Variants in ASTN1 observed in about 807,000 individuals in gnomAD.
ASTN1 encodes astrotactin 1, also known as astrotactin-1.
In ASTN1, 41 loss-of-function variants were observed where a neutral mutation model predicts 140.7. The ratio of observed to expected loss-of-function variants is 0.29; its 90% CI spans 0.23 to 0.38. The LOEUF (loss-of-function observed/expected upper bound fraction) is 0.38, where lower values mean the gene tolerates loss of function less well. ASTN1 is among the 10% of genes least tolerant of loss of function. The pLI, the probability that ASTN1 is intolerant of heterozygous loss-of-function variation, is 1.00. For synonymous variants in ASTN1, 640 were observed against 652.2 expected (o/e 0.98, Z 0.29); for missense variants, 1,479 against 1,678.8 (o/e 0.88, Z 2.08).
chr1:177,005,699 GTGTGTA>G (rs1020877388), intron 8 of ASTN1, among the ~76,000 whole-genome samples: 5 of 152,064 alleles, frequency 3.3e-5, no homozygotes, highest in Non-Finnish European at 5.9e-5. Flanking sequence ...GTGTTCCATG[GTGTGTA>G]TGTGTATGTG....
intron 1 of ASTN1, among the ~76,000 whole-genome samples, chr1:177,069,606 C>T (rs1281225401): frequency 1.3e-5 from 2 of 152,240 alleles, no homozygotes; most frequent in Admixed American, 6.5e-5. Context: ...CTACTCTGTA[C>T]TGGCATGAAT....
chr1:176,964,529 T>A (rs1279832177), intron 9 of ASTN1, among the ~76,000 whole-genome samples: 1 of 152,226 alleles, frequency 6.6e-6, no homozygotes, highest in Non-Finnish European at 1.5e-5. Context: ...GAATCCTTCC[T>A]GGCTGGCACT....
At position 177,043,762 on chromosome 1, in the gene ASTN1, C is replaced by T. The variant is rs77018666; in HGVS notation, c.472-10913G>A. Reference sequence around the variant, plus strand: ...AGGGCTGAGAGGAGACGCTGACGTACGAACACGATTAGAGCATCATATGCC... The same window carrying T: ...AGGGCTGAGAGGAGACGCTGACGTATGAACACGATTAGAGCATCATATGCC... On this transcript the variant is annotated intron_variant, in intron 2 of 22. Transcript: ENST00000361833. 2.6e-3 allele frequency among the ~76,000 whole-genome samples: 397 copies of T among 152,252 alleles called. 1 individual carries two copies. The highest frequency in any genetic ancestry group is 3.6e-3 in the Non-Finnish European group (248 of 68,010).
intron 1 of ASTN1, among the ~76,000 whole-genome samples, chr1:177,066,794 A>T (rs1678378935): frequency 1.3e-5 from 2 of 152,216 alleles, no homozygotes; most frequent in South Asian, 4.1e-4. Context: ...TGGATGGCTT[A>T]GAGTGGCTTA....
chr1:176,951,453 CCTT>C (rs1391051140), intron 11 of ASTN1, among the ~76,000 whole-genome samples: 1 of 152,224 alleles, frequency 6.6e-6, no homozygotes, highest in East Asian at 1.9e-4. Flanking sequence ...ATTTTTCCCT[CCTT>C]CTAGACAGCT....
chr1:177,117,330 C>A (rs1179794547), intron 1 of ASTN1, among the ~76,000 whole-genome samples: 1 of 152,140 alleles, frequency 6.6e-6, no homozygotes, highest in Non-Finnish European at 1.5e-5. Flanking sequence ...CTACTGGAAT[C>A]ATTTGCTAGA....
At chr1:177,021,190 A>C (rs1304845574) in intron 7 of ASTN1, among the ~76,000 whole-genome samples, 2 of 152,226 alleles carry the variant, frequency 1.3e-5, no homozygotes, top group East Asian at 3.8e-4. Flanking sequence ...CTGCTATCCA[A>C]AATGAAGATG....
At chr1:176,919,623 C>T (rs956051792) in intron 16 of ASTN1, among the ~76,000 whole-genome samples, 9 of 152,216 alleles carry the variant, frequency 5.9e-5, no homozygotes, top group Non-Finnish European at 1.3e-4. Flanking sequence ...CAAGTAGAGA[C>T]AGAGTCCCTG....
chr1:177,077,829 G>T (rs1678989986), intron 1 of ASTN1, among the ~76,000 whole-genome samples: 1 of 152,156 alleles, frequency 6.6e-6, no homozygotes, highest in South Asian at 2.1e-4. Context: ...CCCCCTAGAG[G>T]TGGGCACCTC....
chr1:176,894,073 C>T (rs981523231), intron 17 of ASTN1, among the ~76,000 whole-genome samples: 2 of 152,114 alleles, frequency 1.3e-5, no homozygotes, highest in Non-Finnish European at 2.9e-5. Flanking sequence ...AAAACCAACC[C>T]CTTCCAGGCT....
chr1:177,159,405 G>A (rs556623189), intron 1 of ASTN1, among the ~76,000 whole-genome samples: 2 of 152,238 alleles, frequency 1.3e-5, no homozygotes, highest in Admixed American at 1.3e-4. Context: ...TCACTGTAGT[G>A]GAGAGAAAAA....
intron 8 of ASTN1, among the ~76,000 whole-genome samples, chr1:177,010,608 C>G (rs1439082879): frequency 6.6e-6 from 1 of 152,222 alleles, no homozygotes; most frequent in Non-Finnish European, 1.5e-5. Flanking sequence ...CATCTGGACC[C>G]TGTCACCTGG....
intron 1 of ASTN1, among the ~76,000 whole-genome samples, chr1:177,087,673 C>G (rs1018446627): frequency 9.2e-5 from 14 of 152,196 alleles, no homozygotes; most frequent in African/African-American, 1.2e-4. Context: ...CCGTGTTTCA[C>G]GCAGACCAAC....
intron 17 of ASTN1, among the ~76,000 whole-genome samples, chr1:176,893,375 C>T (rs1445560283): frequency 6.6e-6 from 1 of 152,164 alleles, no homozygotes; most frequent in Non-Finnish European, 1.5e-5. Context: ...TTCCTTTATC[C>T]TTTCAGACCC....
intron 18 of ASTN1, 97 bp downstream of exon 18, chr1:176,887,974 T>C: frequency 6.6e-7 from 1 of 1,522,346 alleles, no homozygotes; most frequent in South Asian, 1.2e-5. Flanking sequence ...TGTCATATTT[T>C]TCTTTGTTTC....
intron 2 of ASTN1, among the ~76,000 whole-genome samples, chr1:177,046,388 T>G (rs1036499753): frequency 6.6e-6 from 1 of 152,204 alleles, no homozygotes; most frequent in Non-Finnish European, 1.5e-5. Context: ...TGGCACATCT[T>G]ACAAATGATG....
At chr1:177,104,960 CTT>C (rs759140828) in intron 1 of ASTN1, among the ~76,000 whole-genome samples, 2 of 152,188 alleles carry the variant, frequency 1.3e-5, no homozygotes, top group Non-Finnish European at 2.9e-5. Flanking sequence ...ATGAGTTCCT[CTT>C]TTCACAGACG....
chr1:177,003,908 T>C (rs1331725162), intron 8 of ASTN1, among the ~76,000 whole-genome samples: 2 of 152,024 alleles, frequency 1.3e-5, no homozygotes, highest in Admixed American at 6.6e-5. Context: ...GCCTAAGAAC[T>C]GGAACAAGAC....
At chr1:177,052,180 C>G (rs887069010) in intron 2 of ASTN1, among the ~76,000 whole-genome samples, 2 of 152,074 alleles carry the variant, frequency 1.3e-5, no homozygotes, top group Admixed American at 1.3e-4. Flanking sequence ...CGGTCTTTTC[C>G]CTAAGCACAA....
Sources: allele counts gnomAD v4.1 joint callset (sites outside exome capture counted in the v4.1 genomes callset), GRCh38; gene constraint gnomAD v4.1.1; transcripts MANE v1.5; gene names NCBI Gene and HGNC (gene_info 2026-07-23, HGNC 2026-07-21).